TP73: variants seen among roughly 807,000 people sequenced by gnomAD.
TP73 encodes p53-like transcription factor.
A neutral mutation model predicts 62.5 loss-of-function variants in TP73; 25 were observed. The ratio of observed to expected loss-of-function variants is 0.40; its 90% CI spans 0.29 to 0.56. TP73 has a LOEUF of 0.56. TP73 is among the 20% of genes least tolerant of loss of function. The probability of loss-of-function intolerance (pLI) is 0.46; values close to 1 mark genes in which losing one functional copy is unlikely to be tolerated. For synonymous variants in TP73, 423 were observed against 377.5 expected (o/e 1.12, Z -1.40); for missense variants, 754 against 913.3 (o/e 0.83, Z 2.25).
chr1:3,703,964 C>T (rs1213853107), intron 3 of TP73, among the ~76,000 whole-genome samples: 1 of 152,158 alleles, frequency 6.6e-6, no homozygotes, highest in African/African-American at 2.4e-5. Flanking sequence ...GAGGGCACCA[C>T]GGAGAGGGGA....
chr1:3,692,203 G>A (rs1354080610), intron 3 of TP73, among the ~76,000 whole-genome samples: 1 of 152,112 alleles, frequency 6.6e-6, no homozygotes, highest in East Asian at 1.9e-4. Flanking sequence ...CCGTATGTGT[G>A]TTGCGATGGA....
rs766592635 is a variant in TP73, at chr1:3,729,440, A to G, written c.1188A>G (p.Leu396=). 2 of 1,612,762 alleles carry G rather than the reference A, an allele frequency of 1.2e-6. No individual in the cohort carries two copies. Among genetic ancestry groups the G allele is most frequent in the African/African-American group, 1.3e-5 (1 of 75,034 alleles). The change falls in exon 10 of 14, where the codon CTA becomes CTG. Residue 396 remains leucine (L), a synonymous_variant. Transcript: ENST00000378295. ...VDSYRQQQQL[L]QRPSHLQPPS... ...CCTATCGGCAGCAGCAGCAGCTCCT[A>G]CAGAGGCCGTGAGTCAGCCCTAGCC...
intron 10 of TP73, chr1:3,729,730 AC>A (rs1641980404): frequency 2.7e-6 from 2 of 748,876 alleles, no homozygotes; most frequent in Non-Finnish European, 4.6e-6. Flanking sequence ...GGCCAGAGTG[AC>A]CATGACCCAC....
chr1:3,693,757 C>A (rs1261001781), intron 3 of TP73, among the ~76,000 whole-genome samples: 1 of 141,112 alleles, frequency 7.1e-6, no homozygotes, highest in Non-Finnish European at 1.5e-5. Flanking sequence ...CTCCTCCTCC[C>A]ACAATCCCAC....
At chr1:3,714,920 C>T (rs1640466307) in intron 4 of TP73, among the ~76,000 whole-genome samples, 2 of 152,230 alleles carry the variant, frequency 1.3e-5, no homozygotes, top group South Asian at 4.1e-4. Context: ...GCCTGGGCAG[C>T]TCATTCCTTC....
intron 3 of TP73, among the ~76,000 whole-genome samples, chr1:3,689,950 A>G (rs1044871520): frequency 6.6e-6 from 1 of 152,098 alleles, no homozygotes; most frequent in Non-Finnish European, 1.5e-5. Context: ...AGACGGCCCA[A>G]CAGGGAGTGG....
intron 1 of TP73, among the ~76,000 whole-genome samples, chr1:3,679,584 T>C (rs1333258438): frequency 6.6e-6 from 1 of 151,306 alleles, no homozygotes; most frequent in African/African-American, 2.4e-5. Flanking sequence ...TCTCACTCTC[T>C]GTCTCTCTTT....
At chr1:3,691,017 G>T in intron 3 of TP73, 2 of 1,544,956 alleles carry the variant, frequency 1.3e-6, no homozygotes, top group South Asian at 2.4e-5. Context: ...GTAGGGTTCA[G>T]AGGGGCATCC....
chr1:3,732,936 G>A lies in TP73; in HGVS notation c.1768G>A (p.Val590Met), dbSNP rs746931369. 7 of 1,609,900 alleles carry A rather than the reference G, an allele frequency of 4.3e-6. No homozygotes were observed. Among genetic ancestry groups the A allele is most frequent in the East Asian group, 4.5e-5 (2 of 44,800 alleles). ...GGTCATGGAGGCCGTGCACTTCCGC[G>A]TGCGCCACACCATCACCATCCCCAA... ...QRVMEAVHFRVRHTITIPNRG... is the reference protein window; with the variant it reads ...QRVMEAVHFRMRHTITIPNRG... Residue 590 changes from valine to methionine, a missense_variant, in exon 14 of 14, where the codon GTG (valine) becomes ATG (methionine). By Grantham distance (21) the Val-to-Met change is conservative. This residue lies in a region of TP73 where 458 missense variants were observed against 528.7 expected (regional missense o/e 0.87). Coordinates refer to ENST00000378295, the MANE Select transcript of TP73 (RefSeq NM_005427.4).
At chr1:3,718,867 C>T (rs1640832529) in intron 4 of TP73, among the ~76,000 whole-genome samples, 1 of 151,728 alleles carries the variant, frequency 6.6e-6, no homozygotes, top group Non-Finnish European at 1.5e-5. Context: ...GCCTGTGTGG[C>T]TCCAGCCCCC....
chr1:3,728,668 T>C (rs1395195709), intron 9 of TP73, among the ~76,000 whole-genome samples: 2 of 152,210 alleles, frequency 1.3e-5, no homozygotes, highest in Non-Finnish European at 2.9e-5. Context: ...GAACTTTCTG[T>C]TTTTTGAGCT....
intron 10 of TP73, 184 bp from the exon 11 acceptor site, chr1:3,729,816 C>G: frequency 3.3e-6 from 3 of 921,470 alleles, no homozygotes; most frequent in Non-Finnish European, 4.8e-6. Flanking sequence ...GTGTCCTTCT[C>G]AGGCGCAGGC....
intron 1 of TP73, among the ~76,000 whole-genome samples, chr1:3,678,559 T>A (rs1378441656): frequency 6.6e-6 from 1 of 152,238 alleles, no homozygotes; most frequent in East Asian, 1.9e-4. Context: ...GAATCAGGCA[T>A]CTCGTGGCTT....
Position 3,683,059 on chromosome 1 carries a change from G to A in TP73, c.66-1G>A. The A allele has an allele frequency of 6.2e-7, 1 of 1,600,116 alleles. No homozygotes were observed. The highest frequency in any genetic ancestry group is 8.6e-7 in the Non-Finnish European group (1 of 1,168,868). On this transcript the variant is annotated splice_acceptor_variant, in intron 2 of 13. Coordinates refer to ENST00000378295, the MANE Select transcript of TP73 (RefSeq NM_005427.4). LOFTEE classifies it high-confidence loss of function. ...CTTCTATTTTCCTCTCCCTGCCCCA[G>A]GGAACCAGACAGCACCTACTTCGAC...
chr1:3,726,322 T>TG (rs1641594033), intron 6 of TP73, among the ~76,000 whole-genome samples: 1 of 98,964 alleles, frequency 1.0e-5, no homozygotes, highest in Non-Finnish European at 2.0e-5. Context: ...GGTGGATGGG[T>TG]GGATGGATGA....
intron 1 of TP73, among the ~76,000 whole-genome samples, chr1:3,664,250 A>T (rs1645062421): frequency 6.6e-6 from 1 of 152,148 alleles, no homozygotes; most frequent in Non-Finnish European, 1.5e-5. Flanking sequence ...TCCCCCTACC[A>T]GAGGCGCTGC....
At chr1:3,718,006 A>AG (rs1370568652) in intron 4 of TP73, among the ~76,000 whole-genome samples, 1 of 152,154 alleles carries the variant, frequency 6.6e-6, no homozygotes, top group East Asian at 1.9e-4. Flanking sequence ...GGGGAGGAGA[A>AG]GTGCTCACAT....
rs1642221643 is a variant in TP73, at chr1:3,732,652, A to C, written c.1579-95A>C. 7 of 1,140,170 alleles carry C rather than the reference A, an allele frequency of 6.1e-6. 1 individual carries two copies. Among genetic ancestry groups the C allele is most frequent in the African/African-American group, 3.1e-5 (2 of 64,340 alleles). 70.6% of individuals were successfully genotyped at this position (1,140,170 alleles called of 1,614,324 possible). On this transcript the variant is annotated intron_variant, in intron 13 of 13. Transcript: ENST00000378295. ...TACTCTGGTTGGGGGTGTAGGGGCC[A>C]GGGTGTGGTGTGGCCAGACCTCCAG... is the stretch of plus-strand genomic sequence containing the variant.
intron 3 of TP73, among the ~76,000 whole-genome samples, chr1:3,698,960 C>A (rs753410318): frequency 6.6e-6 from 1 of 152,156 alleles, no homozygotes; most frequent in Non-Finnish European, 1.5e-5. Flanking sequence ...CGCGTTTCTC[C>A]GGTGTGAGGT....
Sources: allele counts gnomAD v4.1 joint callset (sites outside exome capture counted in the v4.1 genomes callset), GRCh38; gene constraint gnomAD v4.1.1; regional missense constraint gnomAD v4.1.1; transcripts MANE v1.5; gene names NCBI Gene and HGNC (gene_info 2026-07-23, HGNC 2026-07-21).